FAT3: variants seen among roughly 807,000 people sequenced by gnomAD.
FAT3 encodes FAT atypical cadherin 3, also known as protocadherin Fat 3.
FAT3 carries 95 observed loss-of-function variants against 310.2 expected under a neutral mutation model. The observed-to-expected ratio is 0.31, with a 90% CI of 0.26 to 0.36. The LOEUF is 0.36. Ranked by LOEUF, FAT3 falls within the 10% of genes least tolerant of loss-of-function variation. The probability of loss-of-function intolerance (pLI) is 1.00; values close to 1 mark genes in which losing one functional copy is unlikely to be tolerated. For missense variants in FAT3, 5,408 were observed against 5,715.6 expected, an observed-to-expected ratio of 0.95 and a Z score of 1.74; for synonymous variants, 2,314 against 2,192.9, an observed-to-expected ratio of 1.06 and a Z score of -1.54.
At chr11:92,616,049 A>G (rs1367805951) in intron 3 of FAT3, among the ~76,000 whole-genome samples, 9 of 152,230 alleles carry the variant, frequency 5.9e-5, no homozygotes, top group African/African-American at 1.4e-4. Context: ...TTTCTGTCTC[A>G]TTGATCTGTC....
intron 2 of FAT3, among the ~76,000 whole-genome samples, chr11:92,446,400 T>C (rs1951209425): frequency 6.6e-6 from 1 of 152,184 alleles, no homozygotes; most frequent in Non-Finnish European, 1.5e-5. Context: ...CTCAAGCTCT[T>C]AACAATTATT....
At chr11:92,326,682 C>A (rs147314885) in intron 1 of FAT3, among the ~76,000 whole-genome samples, 281 of 152,332 alleles carry the variant, frequency 1.8e-3, no homozygotes, top group African/African-American at 6.3e-3. Flanking sequence ...GCCTGTTGCT[C>A]CTAACCCACT....
chr11:92,705,147 A>C (rs559634247), intron 4 of FAT3, among the ~76,000 whole-genome samples: 10 of 152,320 alleles, frequency 6.6e-5, no homozygotes, highest in Admixed American at 2.6e-4. Flanking sequence ...TGTTTTACCC[A>C]CAAGAATGCT....
chr11:92,705,572 GTGGTGA>G (rs1944279657), intron 4 of FAT3, among the ~76,000 whole-genome samples: 2 of 7,910 alleles, frequency 2.5e-4, no homozygotes, highest in Non-Finnish European at 5.4e-4. Flanking sequence ...GGTGGTGGTG[GTGGTGA>G]TGGTGGTGGT....
intron 2 of FAT3, among the ~76,000 whole-genome samples, chr11:92,443,102 A>G (rs1951115895): frequency 6.6e-6 from 1 of 152,184 alleles, no homozygotes; most frequent in African/African-American, 2.4e-5. Flanking sequence ...TAGTCAAGAG[A>G]TATTTTCGTG....
At chr11:92,706,515 G>A (rs1293816764) in intron 4 of FAT3, among the ~76,000 whole-genome samples, 1 of 151,752 alleles carries the variant, frequency 6.6e-6, no homozygotes, top group Admixed American at 6.6e-5. Flanking sequence ...GTATCAGCAG[G>A]AAGTCTTAAT....
intron 2 of FAT3, among the ~76,000 whole-genome samples, chr11:92,507,069 C>A (rs1731616373): frequency 3.9e-5 from 6 of 152,172 alleles, no homozygotes; most frequent in Admixed American, 3.9e-4. Flanking sequence ...GTTTTCTTGT[C>A]AAAGCTGGTC....
intron 21 of FAT3, among the ~76,000 whole-genome samples, chr11:92,865,069 G>A (rs889578578): frequency 6.6e-6 from 1 of 152,170 alleles, no homozygotes; most frequent in Admixed American, 6.5e-5. Flanking sequence ...AGTGGTACAT[G>A]ACAAAGCCTG....
intron 2 of FAT3, among the ~76,000 whole-genome samples, chr11:92,371,594 G>C (rs1949189410): frequency 6.6e-6 from 1 of 152,164 alleles, no homozygotes; most frequent in African/African-American, 2.4e-5. Context: ...GCGCACACCT[G>C]TAATCCCAAC....
Position 92,355,202 on chromosome 11 carries a change from A to G in FAT3, c.3090A>G (p.Glu1030=). 6.2e-7 allele frequency: 1 copy of G among 1,613,802 alleles called. No homozygotes were observed. Among genetic ancestry groups the G allele is most frequent in the African/African-American group, 1.3e-5 (1 of 75,042 alleles). Residue 1030 remains glutamate, a synonymous_variant, in exon 2 of 28, where the codon GAA becomes GAG. Transcript: ENST00000525166. ...SLSSVSFVEV[E]VVDVNENLHT... The stretch of plus-strand genomic sequence containing the variant: ...CATCTGTTTCCTTTGTTGAGGTGGA[A>G]GTGGTGGATGTCAATGAAAACCTCC...
At chr11:92,472,140 G>C (rs1318371484) in intron 2 of FAT3, among the ~76,000 whole-genome samples, 2 of 151,930 alleles carry the variant, frequency 1.3e-5, no homozygotes, top group African/African-American at 4.8e-5. Flanking sequence ...AAGAGTTTCT[G>C]TTATATCTGA....
At chr11:92,498,005 G>C (rs1303801955) in intron 2 of FAT3, 1 of 151,982 alleles carries the variant, frequency 6.6e-6, no homozygotes, top group African/African-American at 2.4e-5. Flanking sequence ...GGGGTAGAGT[G>C]GTGTGGCAGG....
chr11:92,350,044 G>T (rs1270769188), intron 1 of FAT3, among the ~76,000 whole-genome samples: 1 of 151,364 alleles, frequency 6.6e-6, no homozygotes, highest in Non-Finnish European at 1.5e-5. Context: ...TCTAGAGTCT[G>T]CTAGACTCTA....
At chr11:92,453,258 G>T (rs1422359443) in intron 2 of FAT3, among the ~76,000 whole-genome samples, 1 of 152,186 alleles carries the variant, frequency 6.6e-6, no homozygotes, top group Non-Finnish European at 1.5e-5. Flanking sequence ...TTACTCAGAT[G>T]CTGCTTTGCT....
At chr11:92,415,603 C>T (rs1950391376) in intron 2 of FAT3, among the ~76,000 whole-genome samples, 1 of 152,062 alleles carries the variant, frequency 6.6e-6, no homozygotes, top group East Asian at 1.9e-4. Flanking sequence ...CACTAGATTG[C>T]TGTGGTTGGA....
intron 21 of FAT3, among the ~76,000 whole-genome samples, chr11:92,862,222 A>G (rs2136334347): frequency 6.6e-6 from 1 of 152,236 alleles, no homozygotes; most frequent in East Asian, 1.9e-4. Context: ...AGCCCAAACC[A>G]TAACTGAGGT....
At chr11:92,537,315 T>G (rs940865119) in intron 3 of FAT3, among the ~76,000 whole-genome samples, 6 of 152,104 alleles carry the variant, frequency 3.9e-5, no homozygotes, top group African/African-American at 1.4e-4. Context: ...TAATCAGGTC[T>G]TGGTGACTTG....
At chr11:92,623,884 G>A (rs967954823) in intron 3 of FAT3, among the ~76,000 whole-genome samples, 3 of 152,008 alleles carry the variant, frequency 2.0e-5, no homozygotes, top group African/African-American at 4.8e-5. Flanking sequence ...CAGAGCTTGC[G>A]GTGAGCTGAG....
chr11:92,788,238 G>T (rs1946946097), intron 7 of FAT3, among the ~76,000 whole-genome samples: 1 of 152,080 alleles, frequency 6.6e-6, no homozygotes, highest in Non-Finnish European at 1.5e-5. Context: ...ACTGGAAGAG[G>T]CTCCTACAGG....
Sources: allele counts gnomAD v4.1 joint callset (sites outside exome capture counted in the v4.1 genomes callset), GRCh38; gene constraint gnomAD v4.1.1; transcripts MANE v1.5; gene names NCBI Gene and HGNC (gene_info 2026-07-23, HGNC 2026-07-21).